The following EVA1C variants were observed in gnomAD, a reference collection of about 807,000 sequenced individuals.
The protein encoded by EVA1C is protein eva-1 homolog C.
In EVA1C, 25 loss-of-function variants were observed where a neutral mutation model predicts 45.4. The ratio of observed to expected loss-of-function variants is 0.55; its 90% confidence interval spans 0.40 to 0.77. The LOEUF is 0.77. EVA1C is among the 30% of genes least tolerant of loss of function. The probability of loss-of-function intolerance (pLI) is 0.00; values close to 1 mark genes in which losing one functional copy is unlikely to be tolerated. For missense variants in EVA1C, 479 were observed against 554.8 expected, an observed-to-expected ratio of 0.86 and a Z score of 1.37; for synonymous variants, 190 against 221.2, an observed-to-expected ratio of 0.86 and a Z score of 1.25.
rs764952234 is a variant in EVA1C, at chr21:32,467,811, C to T, written c.597C>T (p.Asp199=). ...ATYGRRTQER[D]ICSSKAERLP... ...ACGGCAGGAGGACCCAGGAAAGGGA[C>T]ATCTGCTCCTCCAAGGCAGAGCGGC... The change falls in exon 4 of 8, where the codon GAC becomes GAT. Residue 199 remains aspartate, a synonymous_variant. Coordinates refer to ENST00000300255, the MANE Select transcript of EVA1C (RefSeq NM_058187.5). 3.3e-5 allele frequency: 54 copies of T among 1,612,790 alleles called. No individual in the cohort carries two copies. The South Asian group carries it at 4.8e-4, about 14-fold the overall frequency.
At chr21:32,466,397 C>T (rs535703707) in intron 3 of EVA1C, among the ~76,000 whole-genome samples, 93 of 140,862 alleles carry the variant, frequency 6.6e-4, no homozygotes, top group African/African-American at 2.3e-3. Context: ...CCAGCCTGGG[C>T]GACAGAGCGA....
At chr21:32,461,423 A>G (rs1489216148) in intron 3 of EVA1C, among the ~76,000 whole-genome samples, 2 of 152,200 alleles carry the variant, frequency 1.3e-5, no homozygotes, top group African/African-American at 4.8e-5. Flanking sequence ...AAACCTGAGC[A>G]CTGCCATTTA....
At chr21:32,472,130 G>A (rs2036396768) in intron 4 of EVA1C, among the ~76,000 whole-genome samples, 1 of 152,124 alleles carries the variant, frequency 6.6e-6, no homozygotes, top group African/African-American at 2.4e-5. Flanking sequence ...AGGAATGGTA[G>A]ATGAAAGTTG....
intron 7 of EVA1C, 67 bp downstream of exon 7, chr21:32,504,082 C>A: frequency 8.8e-7 from 1 of 1,130,006 alleles, no homozygotes. Context: ...AATAAATGTG[C>A]TGTTCAATTA....
At position 32,514,861 on chromosome 21, in the gene EVA1C, G is replaced by A. The variant is rs1210373338; in HGVS notation, c.997G>A (p.Gly333Ser). 15 of 1,607,710 alleles carry A rather than the reference G, an allele frequency of 9.3e-6. No homozygotes were observed. The highest frequency in any genetic ancestry group is 1.3e-5 in the African/African-American group (1 of 74,872). Residue 333 changes from glycine to serine, a missense_variant, in exon 8 of 8, where the codon GGC (glycine) becomes AGC (serine). By Grantham distance (56) the Gly-to-Ser change is moderately conservative (BLOSUM62 0). Coordinates refer to ENST00000300255, the MANE Select transcript of EVA1C (RefSeq NM_058187.5). ...GCTGTTCGTGTCCAGTGTCTGCATC[G>A]GCCTGGCCCTCACACTGTGCGCCCT... is the stretch of plus-strand genomic sequence containing the variant. ...ALLFVSSVCI[G>S]LALTLCALVI...
intron 1 of EVA1C, among the ~76,000 whole-genome samples, chr21:32,440,398 G>A (rs769984502): frequency 1.2e-4 from 18 of 152,188 alleles, no homozygotes; most frequent in Non-Finnish European, 2.4e-4. Flanking sequence ...ATCTAAGTCA[G>A]ATGGTGTTCG....
chr21:32,465,689 G>C (rs1198501321), intron 3 of EVA1C, among the ~76,000 whole-genome samples: 3 of 152,114 alleles, frequency 2.0e-5, no homozygotes, highest in Non-Finnish European at 4.4e-5. Context: ...GTAGAGATGA[G>C]GTTTCACCAT....
chr21:32,413,488 G>A (rs2033914225), intron 1 of EVA1C, among the ~76,000 whole-genome samples: 1 of 152,210 alleles, frequency 6.6e-6, no homozygotes, highest in Non-Finnish European at 1.5e-5. Context: ...AAGCCCGCGG[G>A]GACTGGAGGT....
intron 1 of EVA1C, among the ~76,000 whole-genome samples, chr21:32,443,074 C>T (rs554266309): frequency 8.4e-4 from 127 of 151,872 alleles, no homozygotes; most frequent in African/African-American, 1.3e-3. Flanking sequence ...CCAGGCTCAG[C>T]AGTGACATGT....
chr21:32,420,447 C>G (rs2146110558), intron 1 of EVA1C, among the ~76,000 whole-genome samples: 1 of 152,348 alleles, frequency 6.6e-6, no homozygotes, highest in African/African-American at 2.4e-5. Context: ...TACAGTGGTG[C>G]AATCACGGCT....
chr21:32,487,084 A>C (rs567849497), intron 4 of EVA1C, among the ~76,000 whole-genome samples: 1 of 152,324 alleles, frequency 6.6e-6, no homozygotes, highest in South Asian at 2.1e-4. Flanking sequence ...TGGGCTCCTG[A>C]AATAGCTCCA....
At chr21:32,418,396 A>G (rs1387341609) in intron 1 of EVA1C, among the ~76,000 whole-genome samples, 14 of 152,216 alleles carry the variant, frequency 9.2e-5, no homozygotes, top group Non-Finnish European at 1.5e-4. Flanking sequence ...TTTTTATGGC[A>G]GAGAAGAGTC....
chr21:32,505,216 G>A (rs1290504686), intron 7 of EVA1C, among the ~76,000 whole-genome samples: 2 of 152,178 alleles, frequency 1.3e-5, no homozygotes, highest in East Asian at 3.9e-4. Context: ...TTCAGTCTTG[G>A]GGTCCCCTGC....
At chr21:32,503,283 C>T (rs1180266276) in intron 6 of EVA1C, among the ~76,000 whole-genome samples, 4 of 152,232 alleles carry the variant, frequency 2.6e-5, no homozygotes, top group Non-Finnish European at 5.9e-5. Context: ...CAGTGGCTCA[C>T]GCCTGTTATC....
chr21:32,459,881 A>G (rs370759000), intron 3 of EVA1C, among the ~76,000 whole-genome samples: 19 of 151,276 alleles, frequency 1.3e-4, no homozygotes, highest in African/African-American at 4.4e-4. Flanking sequence ...TCAAGATATT[A>G]ACAATTGGAG....
intron 1 of EVA1C, among the ~76,000 whole-genome samples, chr21:32,449,335 G>A (rs1027479496): frequency 1.3e-5 from 2 of 152,206 alleles, no homozygotes; most frequent in Admixed American, 1.3e-4. Context: ...CAGGGTAGTT[G>A]CAATGCCCAA....
At chr21:32,455,999 TCTC>T (rs1298088671) in intron 2 of EVA1C, among the ~76,000 whole-genome samples, 2 of 152,090 alleles carry the variant, frequency 1.3e-5, no homozygotes, top group Non-Finnish European at 2.9e-5. Flanking sequence ...TTCAAGCAAT[TCTC>T]CTGCCTCAGC....
Position 32,514,826 on chromosome 21 carries a change from G to A in EVA1C, c.962G>A (p.Arg321Lys). 6.4e-7 allele frequency: 1 copy of A among 1,569,980 alleles called. No individual in the cohort carries two copies. Among genetic ancestry groups the A allele is most frequent in the Non-Finnish European group, 8.7e-7 (1 of 1,155,614 alleles). ...AFAYIRAHPE[R>K]AALLFVSSVC... ...CTTCCTCCTGCAGCCCACCCGGAGAGAGCTGCCCTGCTGTTCGTGTCCAGT... is the reference window on the plus strand; with the variant it reads ...CTTCCTCCTGCAGCCCACCCGGAGAAAGCTGCCCTGCTGTTCGTGTCCAGT... The change falls in exon 8 of 8, where the codon AGA becomes AAA. Residue 321 changes from arginine (R) to lysine (K), a missense_variant. Arg to Lys is a conservative substitution (Grantham distance 26). Around this residue, in one of 3 missense-constraint regions of EVA1C, gnomAD observed 366 missense variants for 426.1 expected, o/e 0.86. Coordinates refer to ENST00000300255, the MANE Select transcript of EVA1C (RefSeq NM_058187.5).
At chr21:32,426,807 A>G (rs932655731) in intron 1 of EVA1C, among the ~76,000 whole-genome samples, 1 of 150,836 alleles carries the variant, frequency 6.6e-6, no homozygotes, top group East Asian at 1.9e-4. Context: ...TCACAACTCT[A>G]CTTAAAATAT....
Sources: allele counts gnomAD v4.1 joint callset (sites outside exome capture counted in the v4.1 genomes callset), GRCh38; gene constraint gnomAD v4.1.1; regional missense constraint gnomAD v4.1.1; transcripts MANE v1.5; gene names NCBI Gene and HGNC (gene_info 2026-07-23, HGNC 2026-07-21).